THSD7A: variants seen among roughly 807,000 people sequenced by gnomAD.
THSD7A encodes the protein thrombospondin type-1 domain-containing protein 7A.
In THSD7A, 96 loss-of-function variants were observed where a neutral mutation model predicts 231.3. The ratio of observed to expected loss-of-function variants is 0.41; its 90% CI spans 0.35 to 0.49. THSD7A has a LOEUF of 0.49. Ranked by LOEUF, THSD7A falls within the 20% of genes least tolerant of loss-of-function variation. The pLI is 0.05. For missense variants in THSD7A, 2,290 were observed against 2,070.2 expected, an observed-to-expected ratio of 1.11 and a Z score of -2.06; for synonymous variants, 940 against 743.3, an observed-to-expected ratio of 1.26 and a Z score of -4.30.
At chr7:11,381,286 C>T (rs975709396) in intron 24 of THSD7A, among the ~76,000 whole-genome samples, 5 of 152,102 alleles carry the variant, frequency 3.3e-5, no homozygotes, top group African/African-American at 1.2e-4. Context: ...TTCTTTGTTC[C>T]GTATGTGACC....
At chr7:11,616,699 G>A (rs1781115511) in intron 2 of THSD7A, among the ~76,000 whole-genome samples, 1 of 152,058 alleles carries the variant, frequency 6.6e-6, no homozygotes, top group Non-Finnish European at 1.5e-5. Context: ...GCTCTCCCCA[G>A]TGTCTTCTTT....
intron 2 of THSD7A, among the ~76,000 whole-genome samples, chr7:11,602,695 G>C (rs1045737265): frequency 1.3e-5 from 2 of 151,852 alleles, no homozygotes; most frequent in Non-Finnish European, 1.5e-5. Flanking sequence ...CTGATTCCAG[G>C]CTGTTATGTA....
At chr7:11,578,742 T>C (rs1004966752) in intron 4 of THSD7A, among the ~76,000 whole-genome samples, 2 of 152,202 alleles carry the variant, frequency 1.3e-5, no homozygotes, top group African/African-American at 2.4e-5. Flanking sequence ...GGGACAATGG[T>C]TGAAGGCATT....
intron 1 of THSD7A, among the ~76,000 whole-genome samples, chr7:11,730,913 G>T (rs1418434806): frequency 6.6e-6 from 1 of 151,480 alleles, no homozygotes; most frequent in Non-Finnish European, 1.5e-5. Flanking sequence ...CTTTCTGTCC[G>T]CTATGACAAC....
At chr7:11,381,018 A>G (rs1465044748) in intron 24 of THSD7A, among the ~76,000 whole-genome samples, 1 of 151,624 alleles carries the variant, frequency 6.6e-6, no homozygotes, top group Non-Finnish European at 1.5e-5. Context: ...TCCATTATTG[A>G]AAAAAAACTG....
intron 1 of THSD7A, among the ~76,000 whole-genome samples, chr7:11,663,768 A>G (rs944257788): frequency 6.6e-6 from 1 of 151,708 alleles, no homozygotes; most frequent in Non-Finnish European, 1.5e-5. Context: ...TAATAAAATA[A>G]GAACTACTCA....
At chr7:11,633,504 G>C (rs966262465) in intron 2 of THSD7A, among the ~76,000 whole-genome samples, 1 of 152,176 alleles carries the variant, frequency 6.6e-6, no homozygotes, top group Non-Finnish European at 1.5e-5. Flanking sequence ...TGCTAAGGAA[G>C]TGTCATTGGC....
At chr7:11,691,902 A>G (rs914669930) in intron 1 of THSD7A, among the ~76,000 whole-genome samples, 2 of 151,724 alleles carry the variant, frequency 1.3e-5, no homozygotes, top group South Asian at 4.1e-4. Context: ...GAAATAATAT[A>G]TAACATTCAG....
chr7:11,492,024 G>C (rs1786913738), intron 6 of THSD7A, among the ~76,000 whole-genome samples: 1 of 152,046 alleles, frequency 6.6e-6, no homozygotes, highest in Admixed American at 6.6e-5. Context: ...CCACACTGCT[G>C]TGACTACATT....
At chr7:11,561,861 AAAAT>A (rs1419372938) in intron 4 of THSD7A, among the ~76,000 whole-genome samples, 1 of 151,850 alleles carries the variant, frequency 6.6e-6, no homozygotes, top group Non-Finnish European at 1.5e-5. Flanking sequence ...AAAATAAAAT[AAAAT>A]AAATAAGAAA....
rs541728101 is a variant in THSD7A at position 11,647,412 on chromosome 7, T to C, written c.191-10451A>G. 2.6e-5 allele frequency among the ~76,000 whole-genome samples: 4 copies of C among 152,200 alleles called. No homozygotes were observed. The South Asian group carries it at 8.3e-4, about 32-fold the overall frequency. On this transcript the variant is annotated intron_variant, in intron 1 of 27. Transcript: ENST00000423059. ...TGGCACAGCACCATATTTTGCTTAC[T>C]GGCTTGGCTCATCCTGGAAAACATT...
chr7:11,621,000 G>A (rs1375813271), intron 2 of THSD7A, among the ~76,000 whole-genome samples: 3 of 152,150 alleles, frequency 2.0e-5, no homozygotes, highest in Admixed American at 2.0e-4. Flanking sequence ...AATGAAATGG[G>A]AGGTAAAATG....
At chr7:11,654,197 A>T (rs1481208732) in intron 1 of THSD7A, among the ~76,000 whole-genome samples, 1 of 151,954 alleles carries the variant, frequency 6.6e-6, no homozygotes, top group Admixed American at 6.6e-5. Flanking sequence ...TAAGAATTAG[A>T]TTCTTTGATC....
intron 6 of THSD7A, among the ~76,000 whole-genome samples, chr7:11,503,850 C>T (rs2128311114): frequency 6.6e-6 from 1 of 152,238 alleles, no homozygotes; most frequent in East Asian, 1.9e-4. Context: ...AATGCTTATA[C>T]ATTGTTGGTA....
intron 13 of THSD7A, among the ~76,000 whole-genome samples, chr7:11,436,863 T>C (rs1346589022): frequency 1.3e-5 from 2 of 152,050 alleles, no homozygotes; most frequent in Non-Finnish European, 2.9e-5. Flanking sequence ...GAAAGTGTTA[T>C]TTGGATAAAT....
At chr7:11,710,195 G>A (rs1177638309) in intron 1 of THSD7A, among the ~76,000 whole-genome samples, 1 of 150,434 alleles carries the variant, frequency 6.6e-6, no homozygotes, top group Non-Finnish European at 1.5e-5. Context: ...TTCTTAAATG[G>A]TACTGGTGCT....
At chr7:11,588,473 G>T (rs1169605927) in intron 4 of THSD7A, among the ~76,000 whole-genome samples, 1 of 152,128 alleles carries the variant, frequency 6.6e-6, no homozygotes, top group Non-Finnish European at 1.5e-5. Flanking sequence ...AATTTTAGGT[G>T]AATTAGTTAC....
rs539336674 is a variant in THSD7A at position 11,512,312 on chromosome 7, T to C, written c.1822+29107A>G. 1.1e-4 allele frequency among the ~76,000 whole-genome samples: 16 copies of C among 152,124 alleles called. No homozygotes were observed. The East Asian group carries it at 1.7e-3, about 17-fold the overall frequency. On this transcript the variant is annotated intron_variant, in intron 6 of 27. Coordinates refer to ENST00000423059, the MANE Select transcript of THSD7A (RefSeq NM_015204.3). ...AGGTGCTGGAGAGGATGTGGGGAAA[T>C]AGGAACAATTTTACACTGTTGGTGG...
Position 11,636,289 on chromosome 7 carries a change from C to T in THSD7A, c.863G>A (p.Ser288Asn). Residue 288 changes from serine (S) to asparagine (N), a missense_variant, in exon 2 of 28, where the codon AGC becomes AAC. Transcript: ENST00000423059. The surrounding 1 kb of genome is among the most constrained non-coding windows in gnomAD (Gnocchi z 10.0). ...GKNKEREKDR[S>N]KGVKDPEARE... ...GGCTTCTGGATCCTTTACTCCTTTGCTGCGGTCCTTTTCCCGTTCTTTATT... is the reference window on the plus strand; with the variant it reads ...GGCTTCTGGATCCTTTACTCCTTTGTTGCGGTCCTTTTCCCGTTCTTTATT... The T allele has an allele frequency of 1.2e-6, 2 of 1,614,000 alleles. No homozygotes were observed. The highest frequency in any genetic ancestry group is 2.2e-5 in the South Asian group (2 of 91,088).
Sources: gnomAD v4.1 joint callset for allele counts (sites outside exome capture counted in the v4.1 genomes callset) on GRCh38, gnomAD v4.1.1 for gene constraint, Gnocchi (gnomAD v3.1) non-coding constraint, MANE v1.5 for transcripts, NCBI Gene and HGNC (gene_info 2026-07-23, HGNC 2026-07-21) for gene names.